NOL8: variants seen among roughly 807,000 people sequenced by gnomAD.
NOL8 encodes the protein nucleolar protein 8.
A neutral mutation model predicts 116.1 loss-of-function variants in NOL8; 93 were observed. The ratio of observed to expected loss-of-function variants is 0.80; its 90% confidence interval spans 0.68 to 0.95. The LOEUF is 0.95. Among genes scored for constraint, NOL8 ranks in the 40% least tolerant of loss-of-function variants. The pLI is 0.00. For synonymous variants in NOL8, 419 were observed against 469.0 expected (o/e 0.89, Z 1.38); for missense variants, 1,291 against 1,382.8 (o/e 0.93, Z 1.05).
chr9:92,300,607 T>G, intron 13 of NOL8: 1 of 996,704 alleles, frequency 1.0e-6, no homozygotes, highest in Non-Finnish European at 1.2e-6. Context: ...GCTCTCAAAG[T>G]TAGAAAAACT....
intron 10 of NOL8, 67 bp from the exon 11 acceptor site, chr9:92,307,091 T>C: frequency 6.7e-7 from 1 of 1,495,850 alleles, no homozygotes; most frequent in Non-Finnish European, 9.1e-7. Context: ...AATCATCAAA[T>C]ATTTACCAAG....
In NOL8 at chr9:92,299,897, T is replaced by G; in HGVS notation, c.3295A>C (p.Ser1099Arg). Reference protein sequence around the residue: ...VTEETDHRNSSPGEASLLEKE... With the variant: ...VTEETDHRNSRPGEASLLEKE... Reference sequence around the variant, plus strand: ...AAGAAACAAATTGTTTACCCAGGACTGGAGTTTCTGTGATCTGTTTCTTCA... The same window carrying G: ...AAGAAACAAATTGTTTACCCAGGACGGGAGTTTCTGTGATCTGTTTCTTCA... Residue 1099 changes from serine (S) to arginine (R), a missense_variant, in exon 14 of 17, where the codon AGT becomes CGT. Transcript: ENST00000442668. 6.2e-7 allele frequency: 1 copy of G among 1,613,482 alleles called. No homozygotes were observed. Among genetic ancestry groups the G allele is most frequent in the Non-Finnish European group, 8.5e-7 (1 of 1,179,560 alleles).
chr9:92,302,531 CTT>C (rs912780394), intron 12 of NOL8, among the ~76,000 whole-genome samples: 1 of 152,100 alleles, frequency 6.6e-6, no homozygotes, highest in African/African-American at 2.4e-5. Context: ...AAGAGAGAAA[CTT>C]TTAGTATTTC....
At chr9:92,323,237 A>G (rs1840070686) in intron 3 of NOL8, 1 of 1,422,700 alleles carries the variant, frequency 7.0e-7, no homozygotes, top group African/African-American at 1.4e-5. Flanking sequence ...TAAACCCACC[A>G]GTAAAGTGCT....
At chr9:92,318,122 G>A (rs1328405818) in intron 6 of NOL8, among the ~76,000 whole-genome samples, 1 of 151,228 alleles carries the variant, frequency 6.6e-6, no homozygotes, top group Non-Finnish European at 1.5e-5. Context: ...GGTCTTCAAG[G>A]TCTTAGACAA....
intron 16 of NOL8, 117 bp downstream of exon 16, chr9:92,298,140 A>G (rs1032466129): frequency 8.0e-5 from 62 of 775,180 alleles, no homozygotes; most frequent in Admixed American, 1.2e-4. Context: ...CAGTCACTCA[A>G]TTGAGCCAGT....
At chr9:92,317,721 C>T (rs932924834) in intron 6 of NOL8, among the ~76,000 whole-genome samples, 1 of 152,090 alleles carries the variant, frequency 6.6e-6, no homozygotes, top group African/African-American at 2.4e-5. Context: ...CTGACTGACA[C>T]CAGGGTTACA....
At position 92,318,693 on chromosome 9, in the gene NOL8, G is replaced by GA. The variant is rs756440973; in HGVS notation, c.418-8dup. ...ATTTGCTCACAACCCAATTCTAAAA[G>GA]AAAAAAAAAGAATTTATTTACTATA... On this transcript the variant is annotated splice_polypyrimidine_tract_variant and splice_region_variant and intron_variant, in intron 5 of 16. Coordinates refer to ENST00000442668, the MANE Select transcript of NOL8 (RefSeq NM_017948.6). 7.4e-4 allele frequency: 1,118 copies of GA among 1,507,226 alleles called. No individual in the cohort carries two copies. The highest frequency in any genetic ancestry group is 1.2e-3 in the East Asian group (50 of 42,224). The allele number at this position is 1,507,226 out of a possible 1,614,324, so 93.4% of individuals were successfully genotyped here. A position where few individuals can be genotyped will look rare whatever the true frequency, so the allele number is the denominator to read the frequency against.
At chr9:92,311,727 G>A (rs990863077) in intron 7 of NOL8, among the ~76,000 whole-genome samples, 1 of 152,160 alleles carries the variant, frequency 6.6e-6, no homozygotes, top group African/African-American at 2.4e-5. Flanking sequence ...TGCAGAGAAA[G>A]GGAAATGCTT....
chr9:92,314,209 A>G, intron 7 of NOL8, 58 bp downstream of exon 7: 1 of 1,498,970 alleles, frequency 6.7e-7, no homozygotes, highest in Non-Finnish European at 8.9e-7. Flanking sequence ...ACTTCATGGG[A>G]AAGAAAAGCT....
chr9:92,310,367 T>A, intron 9 of NOL8, 106 bp from the exon 10 acceptor site: 1 of 1,196,630 alleles, frequency 8.4e-7, no homozygotes, highest in Non-Finnish European at 1.2e-6. Flanking sequence ...TTCACTACAT[T>A]AAGATGTTTG....
intron 12 of NOL8, among the ~76,000 whole-genome samples, chr9:92,303,122 A>T (rs1837894237): frequency 6.6e-6 from 1 of 152,158 alleles, no homozygotes; most frequent in African/African-American, 2.4e-5. Context: ...ATGAAACTAA[A>T]GGGAGGAATT....
In NOL8 at chr9:92,315,559, T is replaced by C. The variant is rs771385230; in HGVS notation, c.1066A>G (p.Ile356Val). 3.1e-6 allele frequency: 5 copies of C among 1,612,400 alleles called. No individual in the cohort carries two copies. Among genetic ancestry groups the C allele is most frequent in the African/African-American group, 2.7e-5 (2 of 74,946 alleles). The change falls in exon 7 of 17, where the codon ATC becomes GTC. Residue 356 changes from isoleucine (I) to valine (V), a missense_variant. Ile to Val is a conservative substitution (Grantham distance 29). Transcript: ENST00000442668. The stretch of plus-strand genomic sequence containing the variant: ...TCATGGCAAGAGACACGATTTTTGA[T>C]ACCTAAACCTATTAAAGAATGCAGT... The part of the protein sequence containing the change: ...HKLHSLIGLG[I>V]KNRVSCHDSD...
intron 4 of NOL8, among the ~76,000 whole-genome samples, chr9:92,320,959 C>T (rs7853817): frequency 0.031 from 4,654 of 152,250 alleles, 254 homozygotes; most frequent in African/African-American, 0.11. Context: ...CCCAACAATA[C>T]CTTTTCTTCC....
intron 10 of NOL8, 130 bp from the exon 11 acceptor site, chr9:92,307,154 A>C: frequency 5.5e-6 from 5 of 901,278 alleles, no homozygotes; most frequent in Non-Finnish European, 6.5e-6. Context: ...CTTTAACCTC[A>C]TTTCACTAAC....
chr9:92,323,234 A>C, intron 3 of NOL8: 1 of 1,409,468 alleles, frequency 7.1e-7, no homozygotes, highest in South Asian at 1.5e-5. Flanking sequence ...AAGTAAACCC[A>C]CCAGTAAAGT....
At chr9:92,300,739 C>T (rs572343396) in intron 13 of NOL8, 24 of 1,183,130 alleles carry the variant, frequency 2.0e-5, no homozygotes, top group South Asian at 1.6e-4. Flanking sequence ...TAAAGTACCA[C>T]GGAGTTGGTA....
At chr9:92,319,755 C>T (rs984818609) in intron 4 of NOL8, among the ~76,000 whole-genome samples, 2 of 152,222 alleles carry the variant, frequency 1.3e-5, no homozygotes, top group African/African-American at 4.8e-5. Flanking sequence ...TGCTGTACAA[C>T]ATGCCTTTCC....
intron 12 of NOL8, among the ~76,000 whole-genome samples, chr9:92,303,378 A>C (rs1033592858): frequency 2.0e-5 from 3 of 152,208 alleles, no homozygotes; most frequent in Non-Finnish European, 4.4e-5. Flanking sequence ...AGGGGGAAAA[A>C]CAAACATCAT....
Sources: allele counts gnomAD v4.1 joint callset (sites outside exome capture counted in the v4.1 genomes callset), GRCh38; gene constraint gnomAD v4.1.1; transcripts MANE v1.5; gene names NCBI Gene and HGNC (gene_info 2026-07-23, HGNC 2026-07-21).